Variants in ARHGEF26 observed in about 807,000 individuals in gnomAD.
ARHGEF26 encodes Rho guanine nucleotide exchange factor 26.
A neutral mutation model predicts 89.4 loss-of-function variants in ARHGEF26; 59 were observed. The ratio of observed to expected loss-of-function variants is 0.66; its 90% CI spans 0.54 to 0.82. The LOEUF (loss-of-function observed/expected upper bound fraction) is 0.82, where lower values mean the gene tolerates loss of function less well. Ranked by LOEUF, ARHGEF26 falls within the 40% of genes least tolerant of loss-of-function variation. ARHGEF26 has a pLI of 0.00. For missense variants in ARHGEF26, 1,234 were observed against 1,085.6 expected, an observed-to-expected ratio of 1.14 and a Z score of -1.92; for synonymous variants, 500 against 428.4, an observed-to-expected ratio of 1.17 and a Z score of -2.06.
At chr3:154,253,919 TAAG>T (rs1718317457) in intron 13 of ARHGEF26, among the ~76,000 whole-genome samples, 1 of 152,176 alleles carries the variant, frequency 6.6e-6, no homozygotes, top group South Asian at 2.1e-4. Flanking sequence ...AAAAGCAAAT[TAAG>T]AAGTCACATG....
At chr3:154,221,240 C>T (rs1716107531) in intron 10 of ARHGEF26, among the ~76,000 whole-genome samples, 1 of 151,924 alleles carries the variant, frequency 6.6e-6, no homozygotes, top group Non-Finnish European at 1.5e-5. Flanking sequence ...TGCTTTATTT[C>T]ACTCAGAGGA....
intron 9 of ARHGEF26, among the ~76,000 whole-genome samples, chr3:154,201,573 C>T (rs1332531385): frequency 1.3e-5 from 2 of 152,182 alleles, no homozygotes; most frequent in South Asian, 2.1e-4. Flanking sequence ...CCTGAGGAAT[C>T]GCCACACTGA....
intron 8 of ARHGEF26, among the ~76,000 whole-genome samples, chr3:154,193,675 T>G (rs1429107768): frequency 6.6e-6 from 1 of 152,174 alleles, no homozygotes; most frequent in African/African-American, 2.4e-5. Flanking sequence ...ATTAAAGTGG[T>G]TCCCTGGGCT....
chr3:154,184,862 C>G (rs1037622610), intron 6 of ARHGEF26, among the ~76,000 whole-genome samples: 3 of 152,198 alleles, frequency 2.0e-5, no homozygotes, highest in Admixed American at 2.0e-4. Context: ...TGCAGTATAA[C>G]CTTTGCAATC....
At chr3:154,244,053 G>A (rs1228508661) in intron 12 of ARHGEF26, among the ~76,000 whole-genome samples, 1 of 151,826 alleles carries the variant, frequency 6.6e-6, no homozygotes, top group Non-Finnish European at 1.5e-5. Context: ...ATGTCTTTTT[G>A]GTTAATATGG....
chr3:154,163,025 C>T (rs1301530077), intron 6 of ARHGEF26, among the ~76,000 whole-genome samples: 2 of 152,070 alleles, frequency 1.3e-5, no homozygotes, highest in Non-Finnish European at 2.9e-5. Context: ...TTGATTTAAC[C>T]CACTGCTGTC....
Position 154,137,122 on chromosome 3 carries a change from G to A in ARHGEF26, c.1269+7403G>A, listed in dbSNP as rs961459141. Among the ~76,000 whole-genome samples, 5 of 152,148 alleles carry A rather than the reference G, an allele frequency of 3.3e-5. No homozygotes were observed. The East Asian group carries it at 9.6e-4, about 29-fold the overall frequency. ...CTCATATGGAAATTTAATTCCTGAT[G>A]TAGCAGTATTGAGAGGTGGAGCCTT... On this transcript the variant is annotated intron_variant, in intron 4 of 14. Coordinates refer to ENST00000465093, the MANE Select transcript of ARHGEF26 (RefSeq NM_015595.4).
Position 154,254,756 on chromosome 3 carries a change from C to T in ARHGEF26, c.2405C>T (p.Ala802Val). 6.2e-7 allele frequency: 1 copy of T among 1,613,900 alleles called. No homozygotes were observed. Among genetic ancestry groups the T allele is most frequent in the Admixed American group, 1.7e-5 (1 of 60,018 alleles). ...GTGGAAATCGTTAGGTCATTTACTG[C>T]TAAGCAGCCAGATGAACTCTCCCTG... ...TQVEIVRSFT[A>V]KQPDELSLQV... The change falls in exon 14 of 15, where the codon GCT becomes GTT. Residue 802 changes from alanine (A) to valine (V), a missense_variant. By Grantham distance (64) the Ala-to-Val change is moderately conservative. Coordinates refer to ENST00000465093, the MANE Select transcript of ARHGEF26 (RefSeq NM_015595.4).
Position 154,254,724 on chromosome 3 carries a change from G to A in ARHGEF26, c.2373G>A (p.Leu791=), listed in dbSNP as rs1426830676. The change falls in exon 14 of 15, where the codon CTG becomes CTA. Residue 791 remains leucine, a synonymous_variant. Coordinates refer to ENST00000465093, the MANE Select transcript of ARHGEF26 (RefSeq NM_015595.4). ...SGKPPADRTS[L]TQVEIVRSFT... is the part of the protein sequence containing the mutation. ...TATGTCCTCTTTTGGCCTCAGCACTGACCCAGGTGGAAATCGTTAGGTCAT... is the reference window on the plus strand; with the variant it reads ...TATGTCCTCTTTTGGCCTCAGCACTAACCCAGGTGGAAATCGTTAGGTCAT... 1 of 1,613,752 alleles carries A rather than the reference G, an allele frequency of 6.2e-7. No homozygotes were observed. The highest frequency in any genetic ancestry group is 2.2e-5 in the East Asian group (1 of 44,850).
intron 9 of ARHGEF26, among the ~76,000 whole-genome samples, chr3:154,212,277 T>C (rs991859133): frequency 6.7e-6 from 1 of 149,938 alleles, no homozygotes; most frequent in Admixed American, 6.7e-5. Flanking sequence ...CATGCCATGA[T>C]AGACCCTGTG....
At chr3:154,149,891 T>G in intron 5 of ARHGEF26, among the ~76,000 whole-genome samples, 1 of 150,912 alleles carries the variant, frequency 6.6e-6, no homozygotes, top group Non-Finnish European at 1.5e-5. Context: ...TTTCTATAAA[T>G]TTAAAATTAT....
chr3:154,254,367 G>A (rs1157911390), intron 13 of ARHGEF26, among the ~76,000 whole-genome samples: 1 of 152,220 alleles, frequency 6.6e-6, no homozygotes, highest in Non-Finnish European at 1.5e-5. Flanking sequence ...GTCTGTTGCA[G>A]ATTTTGCATG....
At chr3:154,160,857 A>G (rs761276790) in intron 6 of ARHGEF26, among the ~76,000 whole-genome samples, 3 of 152,178 alleles carry the variant, frequency 2.0e-5, no homozygotes, top group African/African-American at 7.2e-5. Flanking sequence ...AGGTGTGACT[A>G]AAACTGCAAG....
At chr3:154,137,813 TA>T (rs35590555) in intron 4 of ARHGEF26, among the ~76,000 whole-genome samples, 40 of 139,314 alleles carry the variant, frequency 2.9e-4, no homozygotes, top group Admixed American at 4.4e-4. Flanking sequence ...CCCTATCTCT[TA>T]AAAAAAAAAA....
intron 8 of ARHGEF26, among the ~76,000 whole-genome samples, chr3:154,193,460 C>T (rs1187276648): frequency 6.6e-6 from 1 of 152,106 alleles, no homozygotes; most frequent in African/African-American, 2.4e-5. Flanking sequence ...TGGCTTGGTG[C>T]TTCTGTACAT....
chr3:154,251,299 C>T (rs1424663973), intron 12 of ARHGEF26, among the ~76,000 whole-genome samples: 2 of 152,086 alleles, frequency 1.3e-5, no homozygotes, highest in East Asian at 3.9e-4. Context: ...TTAGATGATA[C>T]TTGCAATTGT....
intron 5 of ARHGEF26, 74 bp from the exon 6 acceptor site, chr3:154,152,698 G>T: frequency 8.6e-7 from 1 of 1,166,226 alleles, no homozygotes; most frequent in Non-Finnish European, 1.1e-6. Context: ...TATTCTTACA[G>T]CAAAATTATG....
intron 11 of ARHGEF26, among the ~76,000 whole-genome samples, chr3:154,226,535 G>A (rs1716497294): frequency 6.6e-6 from 1 of 152,182 alleles, no homozygotes; most frequent in Non-Finnish European, 1.5e-5. Context: ...GATTGGCAGA[G>A]TGTTTGTTCT....
intron 9 of ARHGEF26, among the ~76,000 whole-genome samples, chr3:154,196,765 C>T (rs992999821): frequency 6.6e-6 from 1 of 151,902 alleles, no homozygotes; most frequent in African/African-American, 2.4e-5. Flanking sequence ...GTGCTGCTTT[C>T]CTAGAGGAGG....
Sources: allele counts gnomAD v4.1 joint callset (sites outside exome capture counted in the v4.1 genomes callset), GRCh38; gene constraint gnomAD v4.1.1; transcripts MANE v1.5; gene names NCBI Gene and HGNC (gene_info 2026-07-23, HGNC 2026-07-21).